TSHZ2: variants seen among roughly 807,000 people sequenced by gnomAD.
TSHZ2 encodes the protein teashirt homolog 2.
A neutral mutation model predicts 74.4 loss-of-function variants in TSHZ2; 21 were observed. The observed-to-expected ratio is 0.28, with a 90% CI of 0.20 to 0.41. The LOEUF is 0.41. Ranked by LOEUF, TSHZ2 falls within the 10% of genes least tolerant of loss-of-function variation. The pLI is 1.00. For missense variants in TSHZ2, 1,244 were observed against 1,293.5 expected, an observed-to-expected ratio of 0.96 and a Z score of 0.59; for synonymous variants, 540 against 515.3, an observed-to-expected ratio of 1.05 and a Z score of -0.65.
chr20:52,983,614 C>G (rs1006028240), intron 1 of TSHZ2, among the ~76,000 whole-genome samples: 15 of 152,224 alleles, frequency 9.9e-5, no homozygotes, highest in African/African-American at 3.6e-4. Context: ...CAAATCCTAG[C>G]TGTTCTTAGA....
chr20:52,996,181 G>A (rs147848863), intron 1 of TSHZ2, among the ~76,000 whole-genome samples: 49 of 152,216 alleles, frequency 3.2e-4, no homozygotes, highest in East Asian at 1.7e-3. Flanking sequence ...AATATAAAAT[G>A]GAAGTGGGGT....
At chr20:52,985,417 C>A (rs1024147244) in intron 1 of TSHZ2, among the ~76,000 whole-genome samples, 1 of 152,132 alleles carries the variant, frequency 6.6e-6, no homozygotes, top group Admixed American at 6.5e-5. Flanking sequence ...GTGGTCAATA[C>A]ATTTTAGTCA....
intron 1 of TSHZ2, among the ~76,000 whole-genome samples, chr20:53,240,400 C>T (rs1227249703): frequency 6.6e-6 from 1 of 152,162 alleles, no homozygotes; most frequent in East Asian, 1.9e-4. Flanking sequence ...CTAGTGATCT[C>T]TTCAGCATTG....
intron 2 of TSHZ2, among the ~76,000 whole-genome samples, chr20:53,464,501 T>A (rs1010939513): frequency 1.1e-4 from 17 of 152,160 alleles, no homozygotes. Context: ...TCTCTCTCAT[T>A]GCGCAGGCTA....
rs575510874 is a variant in TSHZ2, at chr20:53,050,114, T to TACAC, written c.40+76782_40+76783insCACA. 6.8e-3 allele frequency among the ~76,000 whole-genome samples: 768 copies of TACAC among 113,332 alleles called. 31 individuals are homozygous for TACAC. The highest frequency in any genetic ancestry group is 0.027 in the African/African-American group (707 of 26,672). 74.4% of individuals were successfully genotyped at this position (113,332 alleles called of 152,430 possible). On this transcript the variant is annotated intron_variant, in intron 1 of 2. Transcript: ENST00000371497. ...AAATGTATATGTGTGTATATATATA[T>TACAC]ATATATATATACACATATATATATG...
intron 2 of TSHZ2, among the ~76,000 whole-genome samples, chr20:53,441,221 GTTTAT>G (rs11472706): frequency 0.098 from 12,272 of 125,514 alleles, 512 homozygotes; most frequent in African/African-American, 0.12. Flanking sequence ...TTATTTATTT[GTTTAT>G]TTTATTTTAT....
intron 2 of TSHZ2, among the ~76,000 whole-genome samples, chr20:53,345,907 G>A (rs1323822939): frequency 1.3e-5 from 2 of 152,048 alleles, no homozygotes; most frequent in Admixed American, 6.5e-5. Context: ...CAGCCCCTGG[G>A]GCCATGGCGC....
chr20:53,093,899 C>T (rs977414833), intron 1 of TSHZ2, among the ~76,000 whole-genome samples: 1 of 152,046 alleles, frequency 6.6e-6, no homozygotes, highest in Non-Finnish European at 1.5e-5. Context: ...AGACTTCAAC[C>T]GTCTTCAAAC....
At chr20:53,367,546 G>GTTACAGAAGTTTTTCTTCTCCCATTTTC (rs1260314467) in intron 2 of TSHZ2, among the ~76,000 whole-genome samples, 2 of 152,014 alleles carry the variant, frequency 1.3e-5, no homozygotes, top group African/African-American at 2.4e-5. Context: ...TGAAAACAAA[G>GTTACAGAAGTTTTTCTTCTCCCATTTTC]TTACAGAAGT....
At chr20:53,038,866 TTTTGTTTGTTTGTTTTGTTTTG>T (rs1340811130) in intron 1 of TSHZ2, among the ~76,000 whole-genome samples, 1 of 134,860 alleles carries the variant, frequency 7.4e-6, no homozygotes, top group Non-Finnish European at 1.6e-5. Context: ...CTTGTTTTTT[TTTTGTTTGTTTGTTTTGTTTTG>T]TTTGTTTGTT....
intron 1 of TSHZ2, among the ~76,000 whole-genome samples, chr20:53,176,710 C>T (rs2801011): frequency 0.2 from 28,437 of 144,600 alleles, 2,871 homozygotes; most frequent in East Asian, 0.28. Context: ...TTTTTTTAGA[C>T]GAAGTCTCGC....
At chr20:53,332,302 G>C (rs555038495) in intron 2 of TSHZ2, among the ~76,000 whole-genome samples, 39 of 152,184 alleles carry the variant, frequency 2.6e-4, no homozygotes, top group Non-Finnish European at 4.7e-4. Flanking sequence ...TGCCTCTAAG[G>C]CTTGGGCATT....
intron 1 of TSHZ2, among the ~76,000 whole-genome samples, chr20:53,189,920 C>T (rs942902210): frequency 1.3e-5 from 2 of 150,056 alleles, no homozygotes; most frequent in African/African-American, 2.5e-5. Flanking sequence ...CTCATGTCTA[C>T]GAAAAATACA....
chr20:53,018,797 G>T (rs184715478), intron 1 of TSHZ2, among the ~76,000 whole-genome samples: 1 of 150,946 alleles, frequency 6.6e-6, no homozygotes, highest in Non-Finnish European at 1.5e-5. Context: ...CAACTCTTAG[G>T]TTCTCAGCTC....
At chr20:53,025,256 T>A (rs1186580034) in intron 1 of TSHZ2, among the ~76,000 whole-genome samples, 2 of 152,120 alleles carry the variant, frequency 1.3e-5, no homozygotes, top group African/African-American at 4.8e-5. Flanking sequence ...TTTTTAAACA[T>A]TTTATAGTAA....
At chr20:53,176,405 T>C (rs1988337459) in intron 1 of TSHZ2, among the ~76,000 whole-genome samples, 1 of 152,084 alleles carries the variant, frequency 6.6e-6, no homozygotes, top group African/African-American at 2.4e-5. Flanking sequence ...CTCACCTCAT[T>C]CCCCAGTGCA....
At chr20:53,115,158 G>A (rs1986636970) in intron 1 of TSHZ2, among the ~76,000 whole-genome samples, 2 of 152,274 alleles carry the variant, frequency 1.3e-5, no homozygotes, top group African/African-American at 4.8e-5. Flanking sequence ...GGGGTACAAA[G>A]TTTTTCCCCT....
intron 2 of TSHZ2, among the ~76,000 whole-genome samples, chr20:53,353,397 G>T (rs570577020): frequency 6.6e-6 from 1 of 152,292 alleles, no homozygotes; most frequent in Non-Finnish European, 1.5e-5. Flanking sequence ...ACATGTCATA[G>T]AATTATTTAA....
chr20:53,172,549 A>G (rs114903996), intron 1 of TSHZ2, among the ~76,000 whole-genome samples: 3,347 of 152,332 alleles, frequency 0.022, 126 homozygotes, highest in African/African-American at 0.076. Context: ...ACAACGTTCA[A>G]CAAATACTTA....
Sources: allele counts gnomAD v4.1 joint callset (sites outside exome capture counted in the v4.1 genomes callset), GRCh38; gene constraint gnomAD v4.1.1; transcripts MANE v1.5; gene names NCBI Gene and HGNC (gene_info 2026-07-23, HGNC 2026-07-21).